Variants in RAB6B observed in about 807,000 individuals in gnomAD.
RAB6B encodes ras-related protein Rab-6B.
Under a neutral mutation model 31.2 loss-of-function variants are expected in RAB6B, and 7 were observed. The ratio of observed to expected loss-of-function variants is 0.22; its 90% CI spans 0.13 to 0.42. The LOEUF (loss-of-function observed/expected upper bound fraction) is 0.42, where lower values mean the gene tolerates loss of function less well. Among genes scored for constraint, RAB6B ranks in the 10% least tolerant of loss-of-function variants. The pLI is 1.00. For missense variants in RAB6B, 149 were observed against 280.6 expected (o/e 0.53, Z 3.35); for synonymous variants, 105 against 104.9 (o/e 1.00, Z -0.01).
At chr3:133,873,083 A>G (rs556891842) in intron 1 of RAB6B, among the ~76,000 whole-genome samples, 90 of 152,300 alleles carry the variant, frequency 5.9e-4, no homozygotes, top group African/African-American at 2.1e-3. Context: ...TCCTCTATCC[A>G]AACAGGGGGC....
intron 1 of RAB6B, chr3:133,885,387 G>C (rs1384041073): frequency 3.0e-6 from 2 of 677,774 alleles, no homozygotes; most frequent in Non-Finnish European, 5.4e-6. Context: ...ACATCCAATG[G>C]CCAGAGGATG....
intron 1 of RAB6B, among the ~76,000 whole-genome samples, chr3:133,878,832 T>C (rs765112671): frequency 1.3e-5 from 2 of 152,216 alleles, no homozygotes; most frequent in Non-Finnish European, 2.9e-5. Context: ...CAGAATTCTA[T>C]ACCTAGCAAA....
intron 1 of RAB6B, among the ~76,000 whole-genome samples, chr3:133,871,531 C>A (rs914680548): frequency 2.6e-5 from 4 of 152,232 alleles, no homozygotes; most frequent in Non-Finnish European, 5.9e-5. Flanking sequence ...GGGCCAGTGG[C>A]TATGAGGACT....
At chr3:133,860,631 C>T (rs1258460044) in intron 2 of RAB6B, among the ~76,000 whole-genome samples, 1 of 152,240 alleles carries the variant, frequency 6.6e-6, no homozygotes, top group African/African-American at 2.4e-5. Context: ...TCTCAGGCAA[C>T]CCCTTGGCCT....
intron 7 of RAB6B, among the ~76,000 whole-genome samples, chr3:133,831,649 G>A (rs1414643254): frequency 6.6e-6 from 1 of 152,178 alleles, no homozygotes; most frequent in African/African-American, 2.4e-5. Flanking sequence ...AAGAATGACT[G>A]GACCCATGTC....
chr3:133,884,993 G>C (rs1936521745), intron 1 of RAB6B, among the ~76,000 whole-genome samples: 1 of 150,256 alleles, frequency 6.7e-6, no homozygotes, highest in South Asian at 2.1e-4. Context: ...ATAACCAGAG[G>C]ACGGCGGGGC....
intron 4 of RAB6B, 104 bp from the exon 5 acceptor site, chr3:133,839,721 C>T (rs1935793393): frequency 7.3e-6 from 6 of 820,244 alleles, no homozygotes; most frequent in East Asian, 4.9e-5. Context: ...TGAGCATGTG[C>T]CCTCAGATAC....
chr3:133,891,596 A>G (rs777111496), intron 1 of RAB6B, among the ~76,000 whole-genome samples: 2 of 152,108 alleles, frequency 1.3e-5, no homozygotes, highest in Non-Finnish European at 2.9e-5. Context: ...CTCCCAGTGG[A>G]CTATAAGTTC....
At chr3:133,845,389 G>A (rs543520727) in intron 2 of RAB6B, among the ~76,000 whole-genome samples, 7 of 152,316 alleles carry the variant, frequency 4.6e-5, no homozygotes, top group South Asian at 4.1e-4. Flanking sequence ...CGCAGTGTTC[G>A]TCCCTTCCAC....
intron 1 of RAB6B, among the ~76,000 whole-genome samples, chr3:133,879,338 C>G (rs372119776): frequency 1.6e-4 from 24 of 152,298 alleles, no homozygotes; most frequent in African/African-American, 5.8e-4. Context: ...TTCTGGTCAG[C>G]ATGAAATTTT....
intron 2 of RAB6B, among the ~76,000 whole-genome samples, chr3:133,847,941 C>G (rs944981643): frequency 6.6e-6 from 1 of 152,162 alleles, no homozygotes; most frequent in Non-Finnish European, 1.5e-5. Flanking sequence ...GTTGGCATTT[C>G]CACTGTTTTG....
At chr3:133,889,434 A>C (rs1218058583) in intron 1 of RAB6B, among the ~76,000 whole-genome samples, 2 of 65,242 alleles carry the variant, frequency 3.1e-5, no homozygotes, top group African/African-American at 5.9e-5. Context: ...ATATATATAT[A>C]TATATATATA....
chr3:133,887,648 G>A (rs1320271588), intron 1 of RAB6B, among the ~76,000 whole-genome samples: 1 of 152,172 alleles, frequency 6.6e-6, no homozygotes, highest in Non-Finnish European at 1.5e-5. Context: ...CACGGAGAAA[G>A]CCAGAGATGG....
intron 4 of RAB6B, 27 bp downstream of exon 4, chr3:133,841,258 C>T: frequency 6.2e-7 from 1 of 1,612,046 alleles, no homozygotes; most frequent in Non-Finnish European, 8.5e-7. Context: ...ATGAGCCACC[C>T]TCCCTTAGGA....
rs369362523 is a variant in RAB6B at position 133,892,970 on chromosome 3, TA to T, written c.70+2426del. Among the ~76,000 whole-genome samples, 50 of 152,254 alleles carry T rather than the reference TA, an allele frequency of 3.3e-4. No homozygotes were observed. The South Asian group carries it at 9.7e-3, about 30-fold the overall frequency. ...CCTAACTCAAAAGCTGTGTAAAACC[TA>T]AAAGAACCCACTAACAATGCAACAA... On this transcript the variant is annotated intron_variant, in intron 1 of 7. Transcript: ENST00000285208.
chr3:133,874,001 T>C (rs1422813800), intron 1 of RAB6B, among the ~76,000 whole-genome samples: 1 of 152,240 alleles, frequency 6.6e-6, no homozygotes, highest in African/African-American at 2.4e-5. Flanking sequence ...GTCTTCATCT[T>C]CATTGTCTTT....
chr3:133,892,659 C>T (rs1032513765), intron 1 of RAB6B, among the ~76,000 whole-genome samples: 2 of 152,314 alleles, frequency 1.3e-5, no homozygotes, highest in South Asian at 2.1e-4. Flanking sequence ...CCAGGGCACT[C>T]GGCTCATATC....
chr3:133,837,517 T>C (rs1445742537), intron 6 of RAB6B, among the ~76,000 whole-genome samples: 1 of 152,206 alleles, frequency 6.6e-6, no homozygotes, highest in Non-Finnish European at 1.5e-5. Flanking sequence ...ACATTCATCA[T>C]TGAAGGACAA....
At chr3:133,868,103 C>A (rs1936262279) in intron 1 of RAB6B, among the ~76,000 whole-genome samples, 1 of 152,064 alleles carries the variant, frequency 6.6e-6, no homozygotes, top group Non-Finnish European at 1.5e-5. Flanking sequence ...CAGCCTCTGC[C>A]CATGGTATCA....
Sources: allele counts gnomAD v4.1 joint callset (sites outside exome capture counted in the v4.1 genomes callset), GRCh38; gene constraint gnomAD v4.1.1; transcripts MANE v1.5; gene names NCBI Gene and HGNC (gene_info 2026-07-23, HGNC 2026-07-21).